Variants in PPP4R2 observed in about 807,000 individuals in gnomAD.
PPP4R2 encodes the protein protein phosphatase 4 regulatory subunit 2, also known as serine/threonine-protein phosphatase 4 regulatory subunit 2.
A neutral mutation model predicts 47.2 loss-of-function variants in PPP4R2; 13 were observed. That is an observed-to-expected ratio of 0.28 (90% CI 0.18 to 0.44). The LOEUF is 0.44. PPP4R2 is among the 20% of genes least tolerant of loss of function. The probability of loss-of-function intolerance (pLI) is 1.00; values close to 1 mark genes in which losing one functional copy is unlikely to be tolerated. For missense variants in PPP4R2, 421 were observed against 491.2 expected (o/e 0.86, Z 1.35); for synonymous variants, 151 against 163.3 (o/e 0.92, Z 0.57).
chr3:73,051,751 C>A (rs1432114864), intron 3 of PPP4R2, among the ~76,000 whole-genome samples: 1 of 151,992 alleles, frequency 6.6e-6, no homozygotes, highest in African/African-American at 2.4e-5. Flanking sequence ...TCAGCCTCCC[C>A]AGTAGCTGGG....
rs1480929719 is a variant in PPP4R2, at chr3:73,061,079, T to C, written c.419+19T>C. The C allele has an allele frequency of 7.8e-7, 1 of 1,284,984 alleles. No individual in the cohort carries two copies. Among genetic ancestry groups the C allele is most frequent in the African/African-American group, 1.5e-5 (1 of 66,580 alleles). 79.6% of individuals were successfully genotyped at this position (1,284,984 alleles called of 1,614,324 possible). ...CTTCAGAGTAAGTATATTTTTTCTATTTCTAGTATATTATTTACTATATTT... is the reference window on the plus strand; with the variant it reads ...CTTCAGAGTAAGTATATTTTTTCTACTTCTAGTATATTATTTACTATATTT... On this transcript the variant is annotated intron_variant, in intron 5 of 8. Coordinates refer to ENST00000356692, the MANE Select transcript of PPP4R2 (RefSeq NM_174907.4).
intron 2 of PPP4R2, among the ~76,000 whole-genome samples, chr3:73,006,268 C>T (rs1272137073): frequency 2.1e-5 from 3 of 142,270 alleles, no homozygotes; most frequent in East Asian, 2.1e-4. Context: ...GGTATGATCT[C>T]GGCTCACTGC....
intron 2 of PPP4R2, among the ~76,000 whole-genome samples, chr3:73,030,794 C>T (rs978466869): frequency 9.9e-5 from 15 of 151,834 alleles, no homozygotes; most frequent in Admixed American, 3.3e-4. Context: ...CTACGCCTCC[C>T]GGATTCAAGC....
rs577759335 is a variant in PPP4R2 at position 73,047,726 on chromosome 3, G to GT, written c.287+375dup. Among the ~76,000 whole-genome samples, 420 of 152,256 alleles carry GT rather than the reference G, an allele frequency of 2.8e-3. 1 individual carries two copies. Among genetic ancestry groups the GT allele is most frequent in the African/African-American group, 9.8e-3 (407 of 41,556 alleles). ...CTAATTTATGGAAGTATTTTAGTGA[G>GT]TTTTTGTTTAGACTTTTTTTGGAGT... On this transcript the variant is annotated intron_variant, in intron 3 of 8. Coordinates refer to ENST00000356692, the MANE Select transcript of PPP4R2 (RefSeq NM_174907.4).
intron 2 of PPP4R2, among the ~76,000 whole-genome samples, chr3:73,001,058 T>A (rs1701447777): frequency 6.6e-6 from 1 of 152,150 alleles, no homozygotes; most frequent in African/African-American, 2.4e-5. Context: ...TAAGAATATG[T>A]TCCAAGCTCA....
intron 3 of PPP4R2, among the ~76,000 whole-genome samples, chr3:73,055,199 A>G (rs1702704657): frequency 6.6e-6 from 1 of 152,214 alleles, no homozygotes; most frequent in Non-Finnish European, 1.5e-5. Flanking sequence ...ATCAAAGAGT[A>G]GATGGAATGA....
intron 2 of PPP4R2, among the ~76,000 whole-genome samples, chr3:73,000,885 C>T (rs1310342536): frequency 6.6e-6 from 1 of 152,188 alleles, no homozygotes; most frequent in Non-Finnish European, 1.5e-5. Context: ...TGATGCATTT[C>T]AGTCATGGAT....
At position 73,053,205 on chromosome 3, in the gene PPP4R2, T is replaced by C. The variant is rs1388424154; in HGVS notation, c.288-5832T>C. ...GAGTATATTAGTTAAAATGTACTTATTTGTGGCAGATTTCTGTCTCTCTCA... is the reference window on the plus strand; with the variant it reads ...GAGTATATTAGTTAAAATGTACTTACTTGTGGCAGATTTCTGTCTCTCTCA... On this transcript the variant is annotated intron_variant, in intron 3 of 8. Coordinates refer to ENST00000356692, the MANE Select transcript of PPP4R2 (RefSeq NM_174907.4). Among the ~76,000 whole-genome samples the C allele has an allele frequency of 3.3e-5, 5 of 152,328 alleles. No individual in the cohort carries two copies. The East Asian group carries it at 5.8e-4, about 18-fold the overall frequency.
intron 2 of PPP4R2, among the ~76,000 whole-genome samples, chr3:73,015,344 T>TTTTTACA (rs1701803688): frequency 6.6e-6 from 1 of 151,880 alleles, no homozygotes; most frequent in Admixed American, 6.6e-5. Context: ...GCCCAGCTGA[T>TTTTTACA]TTTTACATTT....
chr3:73,041,449 A>T (rs77923068), intron 2 of PPP4R2, among the ~76,000 whole-genome samples: 249 of 152,354 alleles, frequency 1.6e-3, no homozygotes, highest in Middle Eastern at 3.4e-3. Flanking sequence ...TGTTTGCCTC[A>T]GTCATATAAT....
At chr3:73,011,403 C>T (rs987220443) in intron 2 of PPP4R2, among the ~76,000 whole-genome samples, 8 of 152,046 alleles carry the variant, frequency 5.3e-5, no homozygotes, top group Admixed American at 1.3e-4. Flanking sequence ...ATCGCTGGAA[C>T]GCGGGAGGCA....
chr3:73,020,674 A>T (rs1008721167), intron 2 of PPP4R2, among the ~76,000 whole-genome samples: 15 of 111,156 alleles, frequency 1.3e-4, no homozygotes, highest in Admixed American at 6.8e-4. Context: ...TGTCTCTTTA[A>T]AAAAAAAAAA....
At position 73,059,082 on chromosome 3, in the gene PPP4R2, A is replaced by G. The variant is rs1438804358; in HGVS notation, c.333A>G (p.Pro111=). Residue 111 remains proline (P), a synonymous_variant, in exon 4 of 9, where the codon CCA becomes CCG. Transcript: ENST00000356692. Reference sequence around the variant, plus strand: ...GACTATGTGAATTGTTAACAGATCCAAGGAGAAACTATACAGGAACAGACA... The same window carrying G: ...GACTATGTGAATTGTTAACAGATCCGAGGAGAAACTATACAGGAACAGACA... ...IQRLCELLTD[P]RRNYTGTDKF... The G allele has an allele frequency of 2.5e-6, 4 of 1,593,454 alleles. No homozygotes were observed. Among genetic ancestry groups the G allele is most frequent in the Non-Finnish European group, 3.4e-6 (4 of 1,169,216 alleles).
At chr3:73,056,796 A>C (rs1287092990) in intron 3 of PPP4R2, among the ~76,000 whole-genome samples, 1 of 152,228 alleles carries the variant, frequency 6.6e-6, no homozygotes, top group African/African-American at 2.4e-5. Context: ...AAATTAGCCA[A>C]AGCATTCAGT....
chr3:73,021,333 A>G (rs566518678), intron 2 of PPP4R2, among the ~76,000 whole-genome samples: 137 of 151,586 alleles, frequency 9.0e-4, no homozygotes, highest in African/African-American at 3.1e-3. Context: ...TCCCTGGCTC[A>G]GGTGATCCTC....
intron 3 of PPP4R2, among the ~76,000 whole-genome samples, chr3:73,051,782 C>T (rs941112162): frequency 3.9e-5 from 6 of 152,126 alleles, no homozygotes; most frequent in African/African-American, 7.2e-5. Flanking sequence ...CCCGCCACCA[C>T]GCCCGGCTAA....
At chr3:73,057,418 A>G (rs1250404468) in intron 3 of PPP4R2, among the ~76,000 whole-genome samples, 1 of 152,130 alleles carries the variant, frequency 6.6e-6, no homozygotes, top group Non-Finnish European at 1.5e-5. Context: ...TTCAAAAGCA[A>G]AAAAGTATTC....
chr3:73,031,868 T>A (rs979096733), intron 2 of PPP4R2, among the ~76,000 whole-genome samples: 5 of 152,232 alleles, frequency 3.3e-5, no homozygotes, highest in Non-Finnish European at 7.3e-5. Context: ...TCTTGAGGAA[T>A]AACGACCATT....
chr3:73,067,310 T>TA lies in PPP4R2; in HGVS notation c.*1589dup, dbSNP rs1279644426. The TA allele has an allele frequency of 6.6e-6, 1 of 152,096 alleles. No homozygotes were observed. Among genetic ancestry groups the TA allele is most frequent in the African/African-American group, 2.4e-5 (1 of 41,438 alleles). The allele number at this position is 152,096 out of a possible 1,614,324, so 9.4% of individuals were successfully genotyped here. ...GCAAACAGTTTCTGACACTGTATAA[T>TA]ATGCTTTTGGGTGATTTGGGGGGCA... On this transcript the variant is annotated 3_prime_UTR_variant, in exon 9 of 9. Transcript: ENST00000356692.
Sources: allele counts gnomAD v4.1 joint callset (sites outside exome capture counted in the v4.1 genomes callset), GRCh38; gene constraint gnomAD v4.1.1; transcripts MANE v1.5; gene names NCBI Gene and HGNC (gene_info 2026-07-23, HGNC 2026-07-21).